RYR1: variants seen among roughly 807,000 people sequenced by gnomAD.
RYR1 encodes the protein ryanodine receptor 1.
Under a neutral mutation model 583.5 loss-of-function variants are expected in RYR1, and 342 were observed. The ratio of observed to expected loss-of-function variants is 0.59; its 90% confidence interval spans 0.54 to 0.64. The LOEUF is 0.64. RYR1 is among the 30% of genes least tolerant of loss of function. RYR1 has a pLI of 0.00. For synonymous variants in RYR1, 2,791 were observed against 2,822.5 expected (o/e 0.99, Z 0.35); for missense variants, 6,032 against 6,917.2 (o/e 0.87, Z 4.54).
In RYR1 at chr19:38,485,498, T is replaced by C. The variant is rs372120518; in HGVS notation, c.4935-92T>C. Reference sequence around the variant, plus strand: ...AAAGACGAATGAATAAATGGGTGGATAGTGATGAAGGAAATGGAGGAAGAG... The same window carrying C: ...AAAGACGAATGAATAAATGGGTGGACAGTGATGAAGGAAATGGAGGAAGAG... On this transcript the variant is annotated intron_variant, in intron 33 of 105. Coordinates refer to ENST00000359596, the MANE Select transcript of RYR1 (RefSeq NM_000540.3). 1.2e-4 allele frequency: 187 copies of C among 1,508,520 alleles called. 1 individual carries two copies. In the South Asian group the frequency reaches 2.1e-3, roughly 17 times the overall value. The allele number at this position is 1,508,520 out of a possible 1,614,324, so 93.4% of individuals were successfully genotyped here. A position where few individuals can be genotyped will look rare whatever the true frequency, so the allele number is the denominator to read the frequency against.
At chr19:38,454,679 C>G (rs547074795) in intron 13 of RYR1, among the ~76,000 whole-genome samples, 2 of 151,790 alleles carry the variant, frequency 1.3e-5, no homozygotes, top group South Asian at 4.2e-4. Context: ...TCTTCATAAT[C>G]ACTTTATAGA....
At chr19:38,525,705 T>C (rs1971437961) in intron 71 of RYR1, among the ~76,000 whole-genome samples, 1 of 151,786 alleles carries the variant, frequency 6.6e-6, no homozygotes, top group Non-Finnish European at 1.5e-5. Context: ...GTTCAAGATA[T>C]TGCCAGGGCA....
intron 42 of RYR1, among the ~76,000 whole-genome samples, chr19:38,498,337 C>T (rs975849225): frequency 6.6e-6 from 1 of 151,818 alleles, no homozygotes; most frequent in Admixed American, 6.6e-5. Flanking sequence ...GTGTGGGGAA[C>T]AGATTGAGGG....
At chr19:38,459,462 G>A in intron 19 of RYR1, 124 bp downstream of exon 19, 1 of 907,094 alleles carries the variant, frequency 1.1e-6, no homozygotes, top group Non-Finnish European at 1.7e-6. Context: ...AAGACTGACT[G>A]GTGTCCAGAA....
chr19:38,579,559 C>T (rs1431196946), intron 99 of RYR1, among the ~76,000 whole-genome samples: 4 of 148,892 alleles, frequency 2.7e-5, no homozygotes, highest in Non-Finnish European at 5.9e-5. Flanking sequence ...CATAGCATTC[C>T]AGCCTGGGTG....
intron 12 of RYR1, among the ~76,000 whole-genome samples, chr19:38,452,242 G>A (rs972391669): frequency 6.6e-6 from 1 of 151,340 alleles, no homozygotes; most frequent in African/African-American, 2.4e-5. Context: ...TTCGAGACCA[G>A]CCTGAGCAAT....
chr19:38,481,211 C>T lies in RYR1; in HGVS notation c.4621-1816C>T, dbSNP rs1352327278. 4.6e-5 allele frequency among the ~76,000 whole-genome samples: 7 copies of T among 152,090 alleles called. No individual in the cohort carries two copies. The East Asian group carries it at 1.2e-3, about 25-fold the overall frequency. On this transcript the variant is annotated intron_variant, in intron 31 of 105. Transcript: ENST00000359596. ...GTGCAATCTTGGCTTACTGCAGCCT[C>T]AACCTCCTGGGATCAAACGATCCTC...
At position 38,460,539 on chromosome 19, in the gene RYR1, G is replaced by A; in HGVS notation, c.2525G>A (p.Ser842Asn). 3 of 1,614,000 alleles carry A rather than the reference G, an allele frequency of 1.9e-6. No homozygotes were observed. The highest frequency in any genetic ancestry group is 2.5e-6 in the Non-Finnish European group (3 of 1,180,036). The change falls in exon 20 of 106, where the codon AGT becomes AAT. Residue 842 changes from serine (S) to asparagine (N), a missense_variant. Transcript: ENST00000359596. The stretch of plus-strand genomic sequence containing the variant: ...CGGGGGCCTCACCTGGTGGGCCCCA[G>A]TCGCTGCCTCTCACACACCGACTTC... Reference protein sequence around the residue: ...GPRGPHLVGPSRCLSHTDFVP... With the variant: ...GPRGPHLVGPNRCLSHTDFVP...
At chr19:38,445,222 CAAAAAAAAAAA>C (rs61419525) in intron 7 of RYR1, among the ~76,000 whole-genome samples, 5 of 48,186 alleles carry the variant, frequency 1.0e-4, no homozygotes, top group African/African-American at 2.8e-4. Context: ...GACTCTGCCT[CAAAAAAAAAAA>C]AAAAAAAAAA....
At chr19:38,519,493 A>G in intron 67 of RYR1, 39 bp downstream of exon 67, 4 of 1,563,488 alleles carry the variant, frequency 2.6e-6, no homozygotes, top group South Asian at 2.3e-5. Context: ...CTCCGCCCCG[A>G]CCTCCCACGT....
At chr19:38,555,496 T>C (rs76161683) in intron 89 of RYR1, among the ~76,000 whole-genome samples, 6,470 of 150,284 alleles carry the variant, frequency 0.043, 202 homozygotes, top group Middle Eastern at 0.07. Flanking sequence ...TGTGTGTGTA[T>C]GTGTGTGTGG....
intron 71 of RYR1, among the ~76,000 whole-genome samples, chr19:38,526,559 C>A (rs1194470128): frequency 6.6e-6 from 1 of 151,808 alleles, no homozygotes; most frequent in East Asian, 1.9e-4. Context: ...CCCAGTGAAC[C>A]CCCACCCTGC....
chr19:38,502,552 C>G lies in RYR1; in HGVS notation c.7660C>G (p.Leu2554Val). 6.2e-7 allele frequency: 1 copy of G among 1,611,630 alleles called. No individual in the cohort carries two copies. Among genetic ancestry groups the G allele is most frequent in the Non-Finnish European group, 8.5e-7 (1 of 1,179,914 alleles). The change falls in exon 48 of 106, where the codon CTG becomes GTG. Residue 2554 changes from leucine to valine, a missense_variant. By Grantham distance (32) the Leu-to-Val change is conservative (BLOSUM62 1). This residue lies in a region of RYR1 where 250 missense variants were observed against 162.3 expected (regional missense o/e 1.54). Coordinates refer to ENST00000359596, the MANE Select transcript of RYR1 (RefSeq NM_000540.3). ...GATGGCGCTGGCGCTGAACCGCTAC[C>G]TGTGCCTGGCCGTGCTGCCGCTCAT... ...TEMALALNRYLCLAVLPLITK... is the reference protein window; with the variant it reads ...TEMALALNRYVCLAVLPLITK...
In RYR1 at chr19:38,483,594, C is replaced by T; in HGVS notation, c.4934+78C>T. On this transcript the variant is annotated intron_variant, in intron 33 of 105. Coordinates refer to ENST00000359596, the MANE Select transcript of RYR1 (RefSeq NM_000540.3). This position sits in a 1 kb window ranked among gnomAD's most constrained non-coding sequence, Gnocchi z 6.3. The stretch of plus-strand genomic sequence containing the variant: ...GGTCTGGGTCCCACTCAGTGCCCCT[C>T]CTCAACACAACCCCGGGATTCCAGA... 7.8e-7 allele frequency: 1 copy of T among 1,276,320 alleles called. No homozygotes were observed. The highest frequency in any genetic ancestry group is 1.3e-5 in the South Asian group (1 of 78,128). 79.1% of individuals were successfully genotyped at this position (1,276,320 alleles called of 1,614,324 possible).
chr19:38,516,784 G>A (rs2145679724), intron 65 of RYR1, among the ~76,000 whole-genome samples: 1 of 152,288 alleles, frequency 6.6e-6, no homozygotes, highest in Admixed American at 6.5e-5. Context: ...GTCACCTGAG[G>A]TTCAGCAGTG....
chr19:38,524,281 C>T (rs534239164), intron 70 of RYR1, among the ~76,000 whole-genome samples: 11 of 141,474 alleles, frequency 7.8e-5, no homozygotes, highest in African/African-American at 2.9e-4. Context: ...GAGAGGCACA[C>T]GGAGCATGGT....
At chr19:38,513,359 T>C (rs1970814695) in intron 63 of RYR1, among the ~76,000 whole-genome samples, 1 of 149,440 alleles carries the variant, frequency 6.7e-6, no homozygotes, top group South Asian at 2.1e-4. Flanking sequence ...AAAGTAGCAG[T>C]TGGTGGCCAG....
chr19:38,474,981 G>A (rs1434431152), intron 28 of RYR1, among the ~76,000 whole-genome samples: 7 of 152,114 alleles, frequency 4.6e-5, no homozygotes, highest in African/African-American at 7.2e-5. Context: ...AAACAGTGCC[G>A]CACAATGAAG....
intron 52 of RYR1, 69 bp downstream of exon 52, chr19:38,505,150 C>T: frequency 1.4e-6 from 2 of 1,442,432 alleles, no homozygotes; most frequent in Non-Finnish European, 9.7e-7. Context: ...CTGGTTCTTC[C>T]CTGAGGCCCC....
Sources: gnomAD v4.1 joint callset for allele counts (sites outside exome capture counted in the v4.1 genomes callset) on GRCh38, gnomAD v4.1.1 for gene constraint, gnomAD v4.1.1 regional missense constraint, Gnocchi (gnomAD v3.1) non-coding constraint, MANE v1.5 for transcripts, NCBI Gene and HGNC (gene_info 2026-07-23, HGNC 2026-07-21) for gene names.